Variants in ADAMTS19 observed in about 807,000 individuals in gnomAD.
ADAMTS19 encodes the protein A disintegrin and metalloproteinase with thrombospondin motifs 19.
A neutral mutation model predicts 153.3 loss-of-function variants in ADAMTS19; 93 were observed. That is an observed-to-expected ratio of 0.61 (90% CI 0.51 to 0.72). The LOEUF (loss-of-function observed/expected upper bound fraction) is 0.72, where lower values mean the gene tolerates loss of function less well. Among genes scored for constraint, ADAMTS19 ranks in the 30% least tolerant of loss-of-function variants. The pLI is 0.00. For missense variants in ADAMTS19, 1,482 were observed against 1,552.1 expected (o/e 0.95, Z 0.76); for synonymous variants, 600 against 556.6 (o/e 1.08, Z -1.10).
intron 6 of ADAMTS19, among the ~76,000 whole-genome samples, chr5:129,549,045 A>G (rs1190434828): frequency 1.1e-4 from 10 of 93,652 alleles, no homozygotes; most frequent in Non-Finnish European, 1.6e-4. Context: ...GGGAGGGGGG[A>G]GGGATAGCAT....
rs192772730 is a variant in ADAMTS19 at position 129,581,548 on chromosome 5, A to G, written c.1373-15011A>G. ...ATATTTTGATAATCTTTTAAAAAAA[A>G]AAAGCTCCTGGATTCATTCATTTTT... On this transcript the variant is annotated intron_variant, in intron 7 of 22. Coordinates refer to ENST00000274487, the MANE Select transcript of ADAMTS19 (RefSeq NM_133638.6). Among the ~76,000 whole-genome samples the G allele has an allele frequency of 5.3e-3, 796 of 151,460 alleles. 9 individuals carry two copies. Among genetic ancestry groups the G allele is most frequent in the African/African-American group, 0.018 (764 of 41,404 alleles).
intron 3 of ADAMTS19, among the ~76,000 whole-genome samples, chr5:129,522,977 A>G (rs1298007106): frequency 1.3e-5 from 2 of 151,570 alleles, no homozygotes; most frequent in Non-Finnish European, 2.9e-5. Flanking sequence ...AATCACGAGA[A>G]CCCAGAGGCA....
intron 21 of ADAMTS19, among the ~76,000 whole-genome samples, chr5:129,716,285 G>T (rs1756727754): frequency 6.6e-6 from 1 of 152,010 alleles, no homozygotes; most frequent in African/African-American, 2.4e-5. Flanking sequence ...GCATGCCTCT[G>T]CCTCCTGGGC....
intron 13 of ADAMTS19, among the ~76,000 whole-genome samples, chr5:129,649,980 C>A (rs1753243404): frequency 6.6e-6 from 1 of 152,094 alleles, no homozygotes; most frequent in Non-Finnish European, 1.5e-5. Context: ...GAGTTTGTAA[C>A]CAGCCTGGGC....
At chr5:129,672,770 T>A (rs1754362210) in intron 16 of ADAMTS19, among the ~76,000 whole-genome samples, 1 of 151,960 alleles carries the variant, frequency 6.6e-6, no homozygotes, top group Admixed American at 6.6e-5. Flanking sequence ...TCAAGACTTA[T>A]ATGGTTACTA....
At chr5:129,485,981 G>T (rs929329739) in intron 2 of ADAMTS19, among the ~76,000 whole-genome samples, 2 of 152,054 alleles carry the variant, frequency 1.3e-5, no homozygotes, top group Non-Finnish European at 2.9e-5. Context: ...AGTAGGGACA[G>T]GGTTTCGCTA....
At chr5:129,554,556 A>C (rs1753248439) in intron 7 of ADAMTS19, among the ~76,000 whole-genome samples, 1 of 152,302 alleles carries the variant, frequency 6.6e-6, no homozygotes, top group East Asian at 1.9e-4. Flanking sequence ...ATAATCAGGA[A>C]GGAAACCATC....
chr5:129,524,822 C>G (rs937165820), intron 3 of ADAMTS19, among the ~76,000 whole-genome samples: 1 of 151,796 alleles, frequency 6.6e-6, no homozygotes, highest in Non-Finnish European at 1.5e-5. Context: ...GTGCCCATGC[C>G]CAGGCTCTAA....
At chr5:129,495,468 T>C (rs190563865) in intron 2 of ADAMTS19, among the ~76,000 whole-genome samples, 1 of 152,184 alleles carries the variant, frequency 6.6e-6, no homozygotes, top group East Asian at 1.9e-4. Context: ...TGTCATATAT[T>C]TGAAGCAGAA....
chr5:129,541,938 T>G (rs897603815), intron 6 of ADAMTS19, among the ~76,000 whole-genome samples: 4 of 152,128 alleles, frequency 2.6e-5, no homozygotes, highest in African/African-American at 9.7e-5. Context: ...TGATATTTTG[T>G]CATTTATTTA....
At chr5:129,462,490 T>C (rs1349433715) in intron 2 of ADAMTS19, among the ~76,000 whole-genome samples, 1 of 152,136 alleles carries the variant, frequency 6.6e-6, no homozygotes, top group Non-Finnish European at 1.5e-5. Flanking sequence ...TTAAAAGGCC[T>C]GTTGGGATGG....
At chr5:129,654,505 G>A in intron 14 of ADAMTS19, 72 bp downstream of exon 14, 1 of 1,508,420 alleles carries the variant, frequency 6.6e-7, no homozygotes, top group South Asian at 1.2e-5. Flanking sequence ...CAGCTTCACA[G>A]CATGGTGGAA....
chr5:129,632,715 TC>T (rs1223209901), intron 10 of ADAMTS19, among the ~76,000 whole-genome samples: 1 of 152,074 alleles, frequency 6.6e-6, no homozygotes, highest in African/African-American at 2.4e-5. Flanking sequence ...GAAACCTTCC[TC>T]TATCTTCTCT....
intron 8 of ADAMTS19, among the ~76,000 whole-genome samples, chr5:129,611,865 G>T (rs1561602243): frequency 3.3e-5 from 5 of 152,064 alleles, no homozygotes; most frequent in Admixed American, 2.6e-4. Context: ...TACCCACAAA[G>T]GGAAGCCCGT....
intron 6 of ADAMTS19, among the ~76,000 whole-genome samples, chr5:129,529,378 C>T (rs1752121904): frequency 6.6e-6 from 1 of 152,044 alleles, no homozygotes; most frequent in African/African-American, 2.4e-5. Flanking sequence ...GAAATGAAAT[C>T]ATTGAAATCA....
chr5:129,658,810 C>G, intron 15 of ADAMTS19, 73 bp downstream of exon 15: 1 of 1,424,634 alleles, frequency 7.0e-7, no homozygotes, highest in Non-Finnish European at 9.4e-7. Flanking sequence ...TTGAATTTAA[C>G]TTAAGAGATT....
Position 129,626,629 on chromosome 5 carries a change from G to A in ADAMTS19, c.1770+4281G>A, listed in dbSNP as rs562697946. On this transcript the variant is annotated intron_variant, in intron 10 of 22. Transcript: ENST00000274487. ...TGTAAAGTGTAGTAACCTAATAGACGATAGATAGGTAGCTAGAACCATGGA... is the reference window on the plus strand; with the variant it reads ...TGTAAAGTGTAGTAACCTAATAGACAATAGATAGGTAGCTAGAACCATGGA... Among the ~76,000 whole-genome samples the A allele has an allele frequency of 5.3e-5, 8 of 152,072 alleles. No individual in the cohort carries two copies. In the South Asian group the frequency reaches 6.2e-4, roughly 12 times the overall value.
Position 129,737,249 on chromosome 5 carries a change from T to C in ADAMTS19, c.*31T>C. ...AGCAGGCTGGCTGGATCACAGCTCT[T>C]GGCAATTACATTATTTATAAACACA... On this transcript the variant is annotated 3_prime_UTR_variant, in exon 23 of 23. Coordinates refer to ENST00000274487, the MANE Select transcript of ADAMTS19 (RefSeq NM_133638.6). 3 of 1,541,940 alleles carry C rather than the reference T, an allele frequency of 1.9e-6. No homozygotes were observed. Among genetic ancestry groups the C allele is most frequent in the Non-Finnish European group, 2.6e-6 (3 of 1,133,004 alleles).
At chr5:129,488,747 T>C (rs1004900662) in intron 2 of ADAMTS19, among the ~76,000 whole-genome samples, 1 of 152,076 alleles carries the variant, frequency 6.6e-6, no homozygotes, top group African/African-American at 2.4e-5. Flanking sequence ...ACCTGAAAAA[T>C]GACATGGTGG....
Sources: gnomAD v4.1 joint callset for allele counts (sites outside exome capture counted in the v4.1 genomes callset) on GRCh38, gnomAD v4.1.1 for gene constraint, MANE v1.5 for transcripts, NCBI Gene and HGNC (gene_info 2026-07-23, HGNC 2026-07-21) for gene names.